Variants in PRICKLE2 observed in about 807,000 individuals in gnomAD.
PRICKLE2 encodes prickle-like protein 2.
PRICKLE2 carries 21 observed loss-of-function variants against 81.4 expected under a neutral mutation model. The observed-to-expected ratio is 0.26, with a 90% CI of 0.18 to 0.37. The LOEUF (loss-of-function observed/expected upper bound fraction) is 0.37, where lower values mean the gene tolerates loss of function less well. Ranked by LOEUF, PRICKLE2 falls within the 10% of genes least tolerant of loss-of-function variation. The probability of loss-of-function intolerance (pLI) is 1.00; values close to 1 mark genes in which losing one functional copy is unlikely to be tolerated. For synonymous variants in PRICKLE2, 456 were observed against 421.5 expected, an observed-to-expected ratio of 1.08 and a Z score of -1.00; for missense variants, 940 against 1,109.0, an observed-to-expected ratio of 0.85 and a Z score of 2.16.
intron 2 of PRICKLE2, among the ~76,000 whole-genome samples, chr3:64,249,238 A>G (rs953267135): frequency 1.3e-5 from 2 of 151,616 alleles, no homozygotes; most frequent in African/African-American, 4.8e-5. Flanking sequence ...GCAGAGGAGG[A>G]AAGAAAGAAA....
intron 2 of PRICKLE2, among the ~76,000 whole-genome samples, chr3:64,242,319 C>A (rs549829890): frequency 2.0e-5 from 3 of 152,186 alleles, no homozygotes; most frequent in Non-Finnish European, 4.4e-5. Context: ...ATGAACTAAG[C>A]GCAGCATATC....
At chr3:64,172,412 G>C (rs1337523391) in intron 2 of PRICKLE2, among the ~76,000 whole-genome samples, 2 of 152,204 alleles carry the variant, frequency 1.3e-5, no homozygotes, top group Admixed American at 1.3e-4. Context: ...GTTTCTTATA[G>C]GGGTAACTTG....
intron 6 of PRICKLE2, among the ~76,000 whole-genome samples, chr3:64,148,630 G>C (rs1559540348): frequency 1.3e-5 from 2 of 152,304 alleles, no homozygotes; most frequent in South Asian, 4.1e-4. Context: ...CTAAAGTGAT[G>C]GCATTAGGAG....
chr3:64,259,670 C>T (rs2079587569), intron 2 of PRICKLE2, among the ~76,000 whole-genome samples: 1 of 152,068 alleles, frequency 6.6e-6, no homozygotes, highest in African/African-American at 2.4e-5. Flanking sequence ...TACAAGTGGG[C>T]TCTAGATGTC....
At chr3:64,139,749 T>A (rs1172777122) in intron 7 of PRICKLE2, among the ~76,000 whole-genome samples, 1 of 152,152 alleles carries the variant, frequency 6.6e-6, no homozygotes, top group East Asian at 1.9e-4. Flanking sequence ...GTCTTATTAC[T>A]CTAAGTGCTC....
At chr3:64,178,987 CTTT>C (rs2078073030) in intron 2 of PRICKLE2, among the ~76,000 whole-genome samples, 2 of 142,484 alleles carry the variant, frequency 1.4e-5, no homozygotes, top group African/African-American at 5.4e-5. Flanking sequence ...TTCTTTCTTT[CTTT>C]CTTTCTTTCT....
At chr3:64,120,850 G>T (rs1296519816) in intron 7 of PRICKLE2, among the ~76,000 whole-genome samples, 1 of 152,206 alleles carries the variant, frequency 6.6e-6, no homozygotes, top group Non-Finnish European at 1.5e-5. Flanking sequence ...AGAAAGCACG[G>T]CTTTGCACTA....
chr3:64,190,582 G>A (rs1216303366), intron 2 of PRICKLE2, among the ~76,000 whole-genome samples: 1 of 152,164 alleles, frequency 6.6e-6, no homozygotes, highest in Non-Finnish European at 1.5e-5. Context: ...ATAGGTGAAT[G>A]AGTGAACAGA....
intron 7 of PRICKLE2, chr3:64,103,626 T>A (rs1158749974): frequency 6.6e-6 from 1 of 152,112 alleles, no homozygotes; most frequent in Non-Finnish European, 1.5e-5. Context: ...TGAGATGTAG[T>A]TTTAATATTG....
chr3:64,157,184 G>A lies in PRICKLE2; in HGVS notation c.578C>T (p.Pro193Leu), dbSNP rs371799409. 3.1e-6 allele frequency: 5 copies of A among 1,614,116 alleles called. No individual in the cohort carries two copies. Among genetic ancestry groups the A allele is most frequent in the East Asian group, 2.2e-5 (1 of 44,888 alleles). The change falls in exon 5 of 8, where the codon CCG (proline) becomes CTG (leucine). Residue 193 changes from proline (P) to leucine (L), a missense_variant. Pro to Leu is a moderately conservative substitution (Grantham distance 98). This residue lies in a region of PRICKLE2 where 270 missense variants were observed against 391.8 expected (regional missense o/e 0.69). Coordinates refer to ENST00000638394, the MANE Select transcript of PRICKLE2 (RefSeq NM_198859.4). ...AACCTCATCGCAGGCAGCACAGCGC[G>A]GCTTCAGGCACTCAGCATGGTGCCT... ...CGRHHAECLK[P>L]RCAACDEIIF...
At chr3:64,235,787 G>A (rs921830193) in intron 2 of PRICKLE2, among the ~76,000 whole-genome samples, 4 of 152,188 alleles carry the variant, frequency 2.6e-5, no homozygotes, top group Admixed American at 6.5e-5. Flanking sequence ...TCCTTTGCAA[G>A]GGTAGGGTGT....
At chr3:64,232,792 T>C (rs2079125116) in intron 2 of PRICKLE2, among the ~76,000 whole-genome samples, 2 of 152,148 alleles carry the variant, frequency 1.3e-5, no homozygotes, top group African/African-American at 2.4e-5. Flanking sequence ...CCCCACAATC[T>C]GCTCCATCTG....
chr3:64,187,529 G>A (rs1331408718), intron 2 of PRICKLE2: 2 of 152,222 alleles, frequency 1.3e-5, no homozygotes, highest in Non-Finnish European at 2.9e-5. Context: ...GCATCTCCCT[G>A]TACCATGAAA....
At chr3:64,233,698 T>C (rs2079138491) in intron 2 of PRICKLE2, among the ~76,000 whole-genome samples, 1 of 152,210 alleles carries the variant, frequency 6.6e-6, no homozygotes, top group Non-Finnish European at 1.5e-5. Flanking sequence ...AAGAGTTATA[T>C]TGAAATATAA....
chr3:64,133,983 G>A (rs958690274), intron 7 of PRICKLE2, among the ~76,000 whole-genome samples: 10 of 152,178 alleles, frequency 6.6e-5, no homozygotes, highest in East Asian at 1.9e-4. Flanking sequence ...GCAACTGGCC[G>A]AGACAGAGTT....
chr3:64,176,641 A>G (rs1189504554), intron 2 of PRICKLE2, among the ~76,000 whole-genome samples: 2 of 152,242 alleles, frequency 1.3e-5, no homozygotes, highest in Non-Finnish European at 2.9e-5. Flanking sequence ...CACATTTTAG[A>G]ATACAGGTAA....
chr3:64,108,641 C>T (rs904455344), intron 7 of PRICKLE2, among the ~76,000 whole-genome samples: 3 of 152,178 alleles, frequency 2.0e-5, no homozygotes, highest in Admixed American at 1.3e-4. Flanking sequence ...AGGCCCTCAC[C>T]GGACTTGCAG....
chr3:64,248,248 A>G (rs1025906579), intron 2 of PRICKLE2, among the ~76,000 whole-genome samples: 2 of 152,134 alleles, frequency 1.3e-5, no homozygotes, highest in African/African-American at 2.4e-5. Flanking sequence ...TTTCATCTAG[A>G]CTCCTCTTCA....
At chr3:64,111,250 A>G (rs1051846874) in intron 7 of PRICKLE2, among the ~76,000 whole-genome samples, 6 of 152,256 alleles carry the variant, frequency 3.9e-5, no homozygotes, top group African/African-American at 1.4e-4. Context: ...GAAATGTTCA[A>G]TCTTCTTACT....
Sources: allele counts gnomAD v4.1 joint callset (sites outside exome capture counted in the v4.1 genomes callset), GRCh38; gene constraint gnomAD v4.1.1; regional missense constraint gnomAD v4.1.1; transcripts MANE v1.5; gene names NCBI Gene and HGNC (gene_info 2026-07-23, HGNC 2026-07-21).